The following CSMD1 variants were observed in gnomAD, a reference collection of about 807,000 sequenced individuals.
CSMD1 encodes the protein CUB and sushi domain-containing protein 1.
CSMD1 carries 213 observed loss-of-function variants against 417.5 expected under a neutral mutation model. The ratio of observed to expected loss-of-function variants is 0.51; its 90% CI spans 0.46 to 0.57. CSMD1 has a LOEUF of 0.57. Among genes scored for constraint, CSMD1 ranks in the 20% least tolerant of loss-of-function variants. The pLI, the probability that CSMD1 is intolerant of heterozygous loss-of-function variation, is 0.00. For missense variants in CSMD1, 6,923 were observed against 4,529.7 expected (o/e 1.53, Z -15.17); for synonymous variants, 2,862 against 1,736.8 (o/e 1.65, Z -16.11).
At chr8:3,951,206 T>C (rs1055480733) in intron 5 of CSMD1, among the ~76,000 whole-genome samples, 5 of 152,122 alleles carry the variant, frequency 3.3e-5, no homozygotes, top group Admixed American at 2.6e-4. Flanking sequence ...CCTGTATAGG[T>C]AGTTTGTGGG....
chr8:4,060,745 T>G (rs895677298), intron 3 of CSMD1, among the ~76,000 whole-genome samples: 1 of 152,104 alleles, frequency 6.6e-6, no homozygotes, highest in African/African-American at 2.4e-5. Flanking sequence ...GCATCACAGC[T>G]ATTCATGTTA....
At chr8:4,712,112 C>A (rs749862977) in intron 1 of CSMD1, among the ~76,000 whole-genome samples, 3 of 152,194 alleles carry the variant, frequency 2.0e-5, no homozygotes, top group Non-Finnish European at 4.4e-5. Context: ...GGAAGTCAAT[C>A]AATGGGACTG....
chr8:4,092,630 A>C (rs181682604), intron 3 of CSMD1, among the ~76,000 whole-genome samples: 1 of 152,364 alleles, frequency 6.6e-6, no homozygotes, highest in African/African-American at 2.4e-5. Flanking sequence ...AATGACGTGA[A>C]TTAAGAATGT....
At chr8:3,830,337 C>T (rs982456366) in intron 5 of CSMD1, among the ~76,000 whole-genome samples, 14 of 152,330 alleles carry the variant, frequency 9.2e-5, no homozygotes, top group African/African-American at 3.4e-4. Flanking sequence ...AATGATTGGT[C>T]GTTGGTTCAC....
intron 3 of CSMD1, among the ~76,000 whole-genome samples, chr8:4,069,380 C>A (rs1296157532): frequency 2.6e-5 from 4 of 152,096 alleles, no homozygotes; most frequent in Non-Finnish European, 5.9e-5. Context: ...TTACTTTATG[C>A]TTTCGTCTGT....
At chr8:4,019,077 A>G (rs1246940256) in intron 4 of CSMD1, among the ~76,000 whole-genome samples, 1 of 152,196 alleles carries the variant, frequency 6.6e-6, no homozygotes, top group Admixed American at 6.5e-5. Context: ...TTTGCTAGAA[A>G]TTGTCTATAT....
intron 2 of CSMD1, among the ~76,000 whole-genome samples, chr8:4,551,643 T>G (rs994127981): frequency 2.0e-5 from 3 of 152,078 alleles, no homozygotes; most frequent in Non-Finnish European, 4.4e-5. Flanking sequence ...CAGGACAATG[T>G]TGGTCCCAAC....
intron 7 of CSMD1, among the ~76,000 whole-genome samples, chr8:3,644,985 A>AAAAAAAAAC (rs1797506957): frequency 6.6e-6 from 1 of 151,364 alleles, no homozygotes; most frequent in African/African-American, 2.4e-5. Context: ...AAAAAAAAAA[A>AAAAAAAAAC]AAAAAAGTCA....
intron 5 of CSMD1, among the ~76,000 whole-genome samples, chr8:3,858,764 T>A (rs564841472): frequency 6.6e-6 from 1 of 152,200 alleles, no homozygotes; most frequent in Non-Finnish European, 1.5e-5. Context: ...CACTCCTGTA[T>A]AACTTATTTA....
chr8:3,973,163 T>G (rs1476881015), intron 5 of CSMD1, among the ~76,000 whole-genome samples: 1 of 152,226 alleles, frequency 6.6e-6, no homozygotes, highest in Non-Finnish European at 1.5e-5. Flanking sequence ...ATGTTTTGTC[T>G]GAAAACGTGG....
At chr8:3,573,297 G>A (rs1033223573) in intron 10 of CSMD1, among the ~76,000 whole-genome samples, 1 of 152,142 alleles carries the variant, frequency 6.6e-6, no homozygotes, top group Non-Finnish European at 1.5e-5. Context: ...TTAAAGTGAT[G>A]ATTGCAAGTA....
At chr8:4,340,475 G>T (rs375336755) in intron 3 of CSMD1, among the ~76,000 whole-genome samples, 8 of 152,190 alleles carry the variant, frequency 5.3e-5, no homozygotes, top group African/African-American at 1.9e-4. Flanking sequence ...GTCTAGGGGT[G>T]ATGAACTCCT....
chr8:4,095,061 G>A (rs565141984), intron 3 of CSMD1, among the ~76,000 whole-genome samples: 10 of 152,274 alleles, frequency 6.6e-5, no homozygotes, highest in African/African-American at 2.4e-4. Context: ...TGAGCTTTGG[G>A]CTAACAAGAG....
chr8:3,764,415 A>C (rs1174161033), intron 5 of CSMD1, among the ~76,000 whole-genome samples: 3 of 151,976 alleles, frequency 2.0e-5, no homozygotes, highest in Non-Finnish European at 4.4e-5. Context: ...TATATAAACA[A>C]CGTATGAGTG....
At chr8:4,330,324 C>A (rs1288303337) in intron 3 of CSMD1, among the ~76,000 whole-genome samples, 1 of 151,998 alleles carries the variant, frequency 6.6e-6, no homozygotes, top group South Asian at 2.1e-4. Context: ...GCTGGGCGTG[C>A]TGGCTCACAC....
At chr8:3,316,536 G>GAC (rs137895424) in intron 23 of CSMD1, among the ~76,000 whole-genome samples, 1 of 29,958 alleles carries the variant, frequency 3.3e-5, no homozygotes, top group Non-Finnish European at 8.3e-5. Flanking sequence ...AGCCTTGCGG[G>GAC]AGAGGGTTTG....
chr8:4,371,951 G>C (rs924935798), intron 3 of CSMD1, among the ~76,000 whole-genome samples: 3 of 152,166 alleles, frequency 2.0e-5, no homozygotes, highest in African/African-American at 4.8e-5. Context: ...TGGTAGCTCC[G>C]CTAATATAAA....
intron 3 of CSMD1, among the ~76,000 whole-genome samples, chr8:4,324,685 CA>C (rs2128886492): frequency 6.6e-6 from 1 of 152,312 alleles, no homozygotes; most frequent in African/African-American, 2.4e-5. Flanking sequence ...GATATAAGGG[CA>C]AAATCCAATT....
rs1580188 is a variant in CSMD1 at position 4,849,907 on chromosome 8, G to C, written c.85+144425C>G. Reference sequence around the variant, plus strand: ...GGGTATATTAGAAATGGCATTTCTCGATTATATTATGATGCTATGTTTAAA... The same window carrying C: ...GGGTATATTAGAAATGGCATTTCTCCATTATATTATGATGCTATGTTTAAA... On this transcript the variant is annotated intron_variant, in intron 1 of 69. Transcript: ENST00000635120. Among the ~76,000 whole-genome samples, 7 of 152,034 alleles carry C rather than the reference G, an allele frequency of 4.6e-5. No individual in the cohort carries two copies. The East Asian group carries it at 1.2e-3, about 25-fold the overall frequency.
Sources: allele counts gnomAD v4.1 joint callset (sites outside exome capture counted in the v4.1 genomes callset), GRCh38; gene constraint gnomAD v4.1.1; transcripts MANE v1.5; gene names NCBI Gene and HGNC (gene_info 2026-07-23, HGNC 2026-07-21).